NRAP: variants seen among roughly 807,000 people sequenced by gnomAD.
NRAP encodes nebulin related anchoring protein.
In NRAP, 189 loss-of-function variants were observed where a neutral mutation model predicts 225.9. The observed-to-expected ratio is 0.84, with a 90% CI of 0.74 to 0.94. The LOEUF is 0.94. NRAP is among the 40% of genes least tolerant of loss of function. The pLI is 0.00. For synonymous variants in NRAP, 769 were observed against 790.7 expected (o/e 0.97, Z 0.46); for missense variants, 2,176 against 2,168.7 (o/e 1.00, Z -0.07).
chr10:113,592,346 A>T (rs1846041304), intron 38 of NRAP, 45 bp from the exon 39 acceptor site: 1 of 1,292,806 alleles, frequency 7.7e-7, no homozygotes, highest in Admixed American at 1.8e-5. Context: ...CAGTCACTCC[A>T]CTGTCTTCCA....
chr10:113,589,004 CGT>C lies in NRAP; in HGVS notation c.5162_5163del (p.His1721ArgfsTer18). 6.2e-7 allele frequency: 1 copy of C among 1,613,930 alleles called. No individual in the cohort carries two copies. Among genetic ancestry groups the C allele is most frequent in the Admixed American group, 1.7e-5 (1 of 60,008 alleles). ...AACAGCAGGGCCTTCTTCTTTTTGACGTGCAGAATCTCAGTGGCATCTGGGTT... is the reference window on the plus strand; with the variant it reads ...AACAGCAGGGCCTTCTTCTTTTTGACGCAGAATCTCAGTGGCATCTGGGTT... Reference protein sequence around the residue: ...EVNPDATEILHVKKKKALLL With the variant: ...EVNPDATEILXVKKKKALLL On this transcript the variant is annotated frameshift_variant, in exon 42 of 42. Transcript: ENST00000359988. LOFTEE classifies it high-confidence loss of function.
intron 1 of NRAP, 124 bp from the exon 2 acceptor site, chr10:113,663,570 C>A (rs1418633494): frequency 1.5e-5 from 10 of 688,802 alleles, no homozygotes; most frequent in Middle Eastern, 3.1e-4. Flanking sequence ...AAATTAAAAT[C>A]CACACACACA....
intron 19 of NRAP, 28 bp from the exon 20 acceptor site, chr10:113,629,049 AT>A: frequency 1.0e-5 from 15 of 1,471,054 alleles, no homozygotes; most frequent in Non-Finnish European, 1.4e-5. Flanking sequence ...CAAAGCTCTC[AT>A]TGGGCGCATG....
At chr10:113,593,712 G>T (rs1846124054) in intron 38 of NRAP, among the ~76,000 whole-genome samples, 1 of 152,190 alleles carries the variant, frequency 6.6e-6, no homozygotes, top group African/African-American at 2.4e-5. Flanking sequence ...CTTTCTGTTT[G>T]GGTGGCCCCA....
intron 11 of NRAP, among the ~76,000 whole-genome samples, chr10:113,644,147 CAAAAAAAAAAA>C (rs60015356): frequency 6.3e-5 from 3 of 47,974 alleles, no homozygotes; most frequent in Non-Finnish European, 7.3e-5. Flanking sequence ...AACTCCCTCT[CAAAAAAAAAAA>C]AAAAAAAAAA....
At chr10:113,607,003 G>T (rs1005512469) in intron 32 of NRAP, among the ~76,000 whole-genome samples, 5 of 152,098 alleles carry the variant, frequency 3.3e-5, no homozygotes, top group Non-Finnish European at 5.9e-5. Flanking sequence ...AGGAGTTCGA[G>T]ACCAGCCTGA....
rs142083153 is a variant in NRAP at position 113,590,745 on chromosome 10, G to T, written c.4789C>A (p.Arg1597=). 2 of 1,614,114 alleles carry T rather than the reference G, an allele frequency of 1.2e-6. No homozygotes were observed. Among genetic ancestry groups the T allele is most frequent in the Non-Finnish European group, 1.7e-6 (2 of 1,180,052 alleles). The part of the protein sequence containing the change: ...NEYKKDFAKS[R]SQFHSSTDQP... ...TCTGTGCTGCTGTGAAACTGGGACC[G>T]ACTCTTGGCAAAGTCCTTCTTGTAC... The change falls in exon 40 of 42, where the codon CGG becomes AGG. Residue 1597 remains arginine (R), a synonymous_variant. Transcript: ENST00000359988.
At position 113,621,935 on chromosome 10, in the gene NRAP, G is replaced by C. The variant is rs954359655; in HGVS notation, c.2703C>G (p.His901Gln). 3.1e-6 allele frequency: 5 copies of C among 1,614,192 alleles called. No individual in the cohort carries two copies. Among genetic ancestry groups the C allele is most frequent in the Middle Eastern group, 3.3e-4 (2 of 6,060 alleles). ...TDVGYKTAEH[H>Q]FTALPTDMKV... ...TCATGTCTGTGGGCAAAGCCGTAAA[G>C]TGATGTTCCGCTGTCTTGTAGCCTA... is the stretch of plus-strand genomic sequence containing the variant. The change falls in exon 24 of 42, where the codon CAC becomes CAG. Residue 901 changes from histidine (H) to glutamine (Q), a missense_variant. Physicochemically the swap from His to Gln is conservative, Grantham distance 24. Around this residue, in one of 3 missense-constraint regions of NRAP, gnomAD observed 1,708 missense variants for 1,695.5 expected, o/e 1.01. Transcript: ENST00000359988.
chr10:113,662,714 G>A lies in NRAP; in HGVS notation c.220C>T (p.Leu74=), dbSNP rs960296958. ...GCCTCTGGAAATGTCCTCACATTTA[G>A]ATTTAATGGAGTGTGATAGACACTG... ...FTSVYHTPLN[L]NVRTFPEAIS... The change falls in exon 3 of 42, where the codon CTA becomes TTA. Residue 74 remains leucine (L), a synonymous_variant. Transcript: ENST00000359988. The A allele has an allele frequency of 1.1e-5, 17 of 1,600,572 alleles. No individual in the cohort carries two copies. The highest frequency in any genetic ancestry group is 1.3e-5 in the African/African-American group (1 of 74,656).
intron 14 of NRAP, among the ~76,000 whole-genome samples, chr10:113,639,716 A>G (rs541992380): frequency 6.6e-6 from 1 of 152,350 alleles, no homozygotes; most frequent in South Asian, 2.1e-4. Context: ...TTTTGCTTGG[A>G]ACAAGCCAAA....
intron 38 of NRAP, among the ~76,000 whole-genome samples, chr10:113,594,762 C>G (rs763399912): frequency 2.7e-4 from 41 of 152,384 alleles, no homozygotes; most frequent in Middle Eastern, 3.4e-3. Context: ...CACACGCTAA[C>G]TAGAAGGCGC....
At chr10:113,620,475 G>A (rs1364765586) in intron 25 of NRAP, 129 bp downstream of exon 25, 4 of 672,580 alleles carry the variant, frequency 5.9e-6, no homozygotes, top group East Asian at 5.3e-5. Flanking sequence ...GCCCTAGTCT[G>A]GGTTTTGAGG....
At position 113,651,923 on chromosome 10, in the gene NRAP, T is replaced by G; in HGVS notation, c.571-16A>C. On this transcript the variant is annotated splice_polypyrimidine_tract_variant and intron_variant, in intron 6 of 41. Transcript: ENST00000359988. ...TATACTCCACCTGATGAGAAGACAG[T>G]AGAGTCAAGGGTGCACCCACCTCAC... 1 of 1,560,122 alleles carries G rather than the reference T, an allele frequency of 6.4e-7. No homozygotes were observed. The highest frequency in any genetic ancestry group is 1.1e-5 in the South Asian group (1 of 89,924).
In NRAP at chr10:113,644,383, G is replaced by A. The variant is rs188891520; in HGVS notation, c.1111-1345C>T. 2.0e-4 allele frequency among the ~76,000 whole-genome samples: 30 copies of A among 152,282 alleles called. No individual in the cohort carries two copies. In the East Asian group the frequency reaches 5.8e-3, roughly 29 times the overall value. On this transcript the variant is annotated intron_variant, in intron 11 of 41. Coordinates refer to ENST00000359988, the MANE Select transcript of NRAP (RefSeq NM_198060.4). Reference sequence around the variant, plus strand: ...AGGCCAGCAAACTTTTTCTATAAATGACCAGACAGTAAATATTTTAGGTTT... The same window carrying A: ...AGGCCAGCAAACTTTTTCTATAAATAACCAGACAGTAAATATTTTAGGTTT...
chr10:113,615,193 A>G (rs543802766), intron 27 of NRAP, among the ~76,000 whole-genome samples: 59 of 152,134 alleles, frequency 3.9e-4, no homozygotes, highest in Non-Finnish European at 4.0e-4. Context: ...AGAGGAAGCA[A>G]AGGCTTTAGA....
intron 23 of NRAP, 42 bp from the exon 24 acceptor site, chr10:113,622,222 A>G (rs771694321): frequency 2.9e-6 from 4 of 1,399,808 alleles, no homozygotes; most frequent in South Asian, 1.2e-5. Context: ...AGAACCTCCT[A>G]AAGGAATTGT....
intron 29 of NRAP, among the ~76,000 whole-genome samples, chr10:113,613,919 C>A (rs1847478301): frequency 6.6e-6 from 1 of 152,076 alleles, no homozygotes; most frequent in Non-Finnish European, 1.5e-5. Context: ...AGGGTCAAAT[C>A]CAGACCAGTG....
At chr10:113,625,920 C>T (rs1484727686) in intron 21 of NRAP, 127 bp downstream of exon 21, 2 of 601,880 alleles carry the variant, frequency 3.3e-6, no homozygotes, top group African/African-American at 3.7e-5. Context: ...AAGCTGGGTC[C>T]AGCCTATTTA....
At chr10:113,600,561 T>C (rs1180337834) in intron 35 of NRAP, among the ~76,000 whole-genome samples, 1 of 152,196 alleles carries the variant, frequency 6.6e-6, no homozygotes, top group Non-Finnish European at 1.5e-5. Flanking sequence ...CCAGCTGCCA[T>C]ACTGTGGGTA....
Sources: allele counts gnomAD v4.1 joint callset (sites outside exome capture counted in the v4.1 genomes callset), GRCh38; gene constraint gnomAD v4.1.1; regional missense constraint gnomAD v4.1.1; transcripts MANE v1.5; gene names NCBI Gene and HGNC (gene_info 2026-07-23, HGNC 2026-07-21).